Variants in TRPM1 observed in about 807,000 individuals in gnomAD.
TRPM1 encodes the protein transient receptor potential cation channel subfamily M member 1, also known as TRPM1-203 APA Isoform, Intron 10.
TRPM1 carries 113 observed loss-of-function variants against 149.4 expected under a neutral mutation model. The ratio of observed to expected loss-of-function variants is 0.76; its 90% confidence interval spans 0.65 to 0.88. The LOEUF (loss-of-function observed/expected upper bound fraction) is 0.88. Among genes scored for constraint, TRPM1 ranks in the 40% least tolerant of loss-of-function variants. The pLI, the probability that TRPM1 is intolerant of heterozygous loss-of-function variation, is 0.00. For missense variants in TRPM1, 1,976 were observed against 2,038.7 expected (o/e 0.97, Z 0.59); for synonymous variants, 741 against 759.5 (o/e 0.98, Z 0.40).
At chr15:31,115,470 GC>G (rs1177734784) in intron 1 of TRPM1, among the ~76,000 whole-genome samples, 1 of 152,096 alleles carries the variant, frequency 6.6e-6, no homozygotes, top group Non-Finnish European at 1.5e-5. Flanking sequence ...TAGAATTATA[GC>G]TTCTAGAATC....
intron 21 of TRPM1, among the ~76,000 whole-genome samples, chr15:31,035,029 G>A (rs2033287950): frequency 6.6e-6 from 1 of 152,176 alleles, no homozygotes; most frequent in Non-Finnish European, 1.5e-5. Flanking sequence ...TTTCGAGATG[G>A]ACTCTCACTC....
At position 31,029,386 on chromosome 15, in the gene TRPM1, C is replaced by T. The variant is rs780851772; in HGVS notation, c.3133G>A (p.Ala1045Thr). ...EVFADQIDLYAMEINPPCGEN... is the reference protein window; with the variant it reads ...EVFADQIDLYTMEINPPCGEN... ...GTAAACTTACGATTAATTTCCATGG[C>T]GTAGACTACATGACGATTGGAAAGC... Residue 1045 changes from alanine to threonine, a missense_variant, in exon 24 of 28, where the codon GCC becomes ACC. By Grantham distance (58) the Ala-to-Thr change is moderately conservative. Coordinates refer to ENST00000256552, the MANE Select transcript of TRPM1 (RefSeq NM_001252024.2). 32 of 1,613,724 alleles carry T rather than the reference C, an allele frequency of 2.0e-5. No homozygotes were observed. Among genetic ancestry groups the T allele is most frequent in the East Asian group, 4.5e-5 (2 of 44,796 alleles).
chr15:31,124,247 C>T (rs1410225345), intron 1 of TRPM1, among the ~76,000 whole-genome samples: 2 of 151,642 alleles, frequency 1.3e-5, no homozygotes, highest in African/African-American at 4.8e-5. Flanking sequence ...ATCGCGCCAT[C>T]GTGCTCTAGC....
At chr15:31,086,573 G>T (rs954590880) in intron 1 of TRPM1, among the ~76,000 whole-genome samples, 1 of 152,168 alleles carries the variant, frequency 6.6e-6, no homozygotes, top group Non-Finnish European at 1.5e-5. Context: ...GCCTGTGGGT[G>T]CCTAGGTCAG....
At chr15:31,152,148 T>C (rs527987501) in intron 1 of TRPM1, among the ~76,000 whole-genome samples, 1 of 152,326 alleles carries the variant, frequency 6.6e-6, no homozygotes, top group African/African-American at 2.4e-5. Flanking sequence ...TCAAGGGTCC[T>C]TGAACCCATC....
chr15:31,003,152 A>AT, intron 27 of TRPM1, 82 bp from the exon 28 acceptor site: 1 of 1,246,702 alleles, frequency 8.0e-7, no homozygotes, highest in Non-Finnish European at 1.1e-6. Flanking sequence ...TTGCTATGTG[A>AT]TTTTTCAGAA....
intron 1 of TRPM1, among the ~76,000 whole-genome samples, chr15:31,100,963 G>A (rs1055813389): frequency 6.6e-6 from 1 of 152,208 alleles, no homozygotes; most frequent in Non-Finnish European, 1.5e-5. Context: ...GCTGCATGTT[G>A]TTGAACTGCC....
At chr15:31,063,358 T>C in intron 7 of TRPM1, 66 bp from the exon 8 acceptor site, 5 of 1,597,122 alleles carry the variant, frequency 3.1e-6, no homozygotes, top group Non-Finnish European at 3.4e-6. Context: ...TCGTTTTAAC[T>C]CCTGAAGTAT....
intron 3 of TRPM1, among the ~76,000 whole-genome samples, chr15:31,071,889 C>T (rs371452054): frequency 3.3e-4 from 49 of 147,248 alleles, no homozygotes; most frequent in African/African-American, 1.2e-3. Flanking sequence ...GTTTGAACCC[C>T]GGAGGCAGAG....
intron 23 of TRPM1, among the ~76,000 whole-genome samples, chr15:31,030,240 T>A (rs543446809): frequency 6.6e-6 from 1 of 152,334 alleles, no homozygotes; most frequent in African/African-American, 2.4e-5. Flanking sequence ...GCAGCAGACA[T>A]GCTATTATAG....
chr15:31,146,271 G>A (rs963804637), intron 1 of TRPM1, among the ~76,000 whole-genome samples: 6 of 152,234 alleles, frequency 3.9e-5, no homozygotes, highest in East Asian at 1.9e-4. Context: ...TGAGTGACAC[G>A]CTGAGACTGG....
intron 4 of TRPM1, 119 bp from the exon 5 acceptor site, chr15:31,068,211 C>T (rs1359053063): frequency 4.5e-6 from 4 of 888,248 alleles, no homozygotes; most frequent in African/African-American, 1.6e-5. Flanking sequence ...TTCCTCAGGG[C>T]CCTGGAGCCC....
chr15:31,161,028 G>GC (rs2036438358), exon 1 of TRPM1: 1 of 1,472,916 alleles, frequency 6.8e-7, no homozygotes, highest in Admixed American at 2.0e-5. Flanking sequence ...CACAGGGGCT[G>GC]CCCTCCCTGG....
intron 1 of TRPM1, among the ~76,000 whole-genome samples, chr15:31,087,346 G>A (rs1019081461): frequency 2.9e-5 from 4 of 137,802 alleles, no homozygotes; most frequent in African/African-American, 8.1e-5. Context: ...CCGGGTTCAC[G>A]CCATTCTCCT....
chr15:31,076,893 A>C lies in TRPM1; in HGVS notation c.83+12T>G. ...GGTTTGGATAATGTCTTAATCGTGG[A>C]TTTCAATTTACCTGTTAGAGTCTTT... On this transcript the variant is annotated intron_variant, in intron 3 of 27. Coordinates refer to ENST00000256552, the MANE Select transcript of TRPM1 (RefSeq NM_001252024.2). 6.3e-7 allele frequency: 1 copy of C among 1,577,406 alleles called. No homozygotes were observed. Among genetic ancestry groups the C allele is most frequent in the Non-Finnish European group, 8.7e-7 (1 of 1,146,994 alleles).
chr15:31,078,470 G>T (rs1006090331), intron 2 of TRPM1, among the ~76,000 whole-genome samples: 1 of 152,176 alleles, frequency 6.6e-6, no homozygotes, highest in Admixed American at 6.5e-5. Context: ...TAGAAATGAT[G>T]AAAATTCAAA....
upstream of TRPM1, among the ~76,000 whole-genome samples, chr15:31,106,700 C>T (rs74511584): frequency 4.0e-4 from 61 of 152,292 alleles, no homozygotes; most frequent in East Asian, 0.012. Flanking sequence ...TCAATGGGCA[C>T]TTGAGTGGCT....
At chr15:31,049,336 G>A in intron 13 of TRPM1, 39 bp downstream of exon 13, 1 of 1,613,812 alleles carries the variant, frequency 6.2e-7, no homozygotes, top group Non-Finnish European at 8.5e-7. Flanking sequence ...CATTTAGGTG[G>A]CTGCCTCCCG....
intron 1 of TRPM1, among the ~76,000 whole-genome samples, chr15:31,144,367 G>A (rs1016587788): frequency 1.3e-5 from 2 of 152,116 alleles, no homozygotes; most frequent in Non-Finnish European, 2.9e-5. Flanking sequence ...AGCTGGGGAG[G>A]TCAAGGCTGC....
Sources: allele counts gnomAD v4.1 joint callset (sites outside exome capture counted in the v4.1 genomes callset), GRCh38; gene constraint gnomAD v4.1.1; transcripts MANE v1.5; gene names NCBI Gene and HGNC (gene_info 2026-07-23, HGNC 2026-07-21).